The following FANCL variants were observed in gnomAD, a reference collection of about 807,000 sequenced individuals.
FANCL encodes E3 ubiquitin-protein ligase FANCL.
A neutral mutation model predicts 59.4 loss-of-function variants in FANCL; 69 were observed. The observed-to-expected ratio is 1.16, with a 90% CI of 0.96 to 1.42. The LOEUF is 1.42. FANCL is among the 40% of genes most tolerant of loss of function. The pLI, the probability that FANCL is intolerant of heterozygous loss-of-function variation, is 0.00. For missense variants in FANCL, 519 were observed against 447.2 expected (o/e 1.16, Z -1.45); for synonymous variants, 180 against 147.1 (o/e 1.22, Z -1.62).
chr2:58,226,677 A>G, intron 4 of FANCL, 51 bp downstream of exon 4: 6 of 1,347,254 alleles, frequency 4.5e-6, no homozygotes, highest in Non-Finnish European at 6.4e-6. Flanking sequence ...ACAAAAAAGA[A>G]ATCAAGACTT....
At chr2:58,187,429 T>C (rs187287819) in intron 7 of FANCL, among the ~76,000 whole-genome samples, 13 of 55,314 alleles carry the variant, frequency 2.4e-4, no homozygotes, top group Admixed American at 6.2e-4. Context: ...GTGGGGGGGA[T>C]GGGGAAGGGA....
rs1268375175 is a variant in FANCL, at chr2:58,216,827, C to T, written c.374+5115G>A. Among the ~76,000 whole-genome samples, 6 of 151,848 alleles carry T rather than the reference C, an allele frequency of 4.0e-5. No individual in the cohort carries two copies. The East Asian group carries it at 7.8e-4, about 20-fold the overall frequency. ...AGAGATGTGGGGTAGTTCTCCTTAC[C>T]GCCCAGGTTGGAATCCAAGCACGGG... is the stretch of plus-strand genomic sequence containing the variant. On this transcript the variant is annotated intron_variant, in intron 5 of 13. Transcript: ENST00000233741.
chr2:58,160,010 A>T, intron 13 of FANCL, 98 bp downstream of exon 13: 9 of 1,567,864 alleles, frequency 5.7e-6, no homozygotes, highest in Non-Finnish European at 7.8e-6. Flanking sequence ...GAGTTTCAAA[A>T]GTTTTAGATA....
At chr2:58,169,023 T>A (rs1442370508) in intron 7 of FANCL, among the ~76,000 whole-genome samples, 1 of 152,134 alleles carries the variant, frequency 6.6e-6, no homozygotes, top group Non-Finnish European at 1.5e-5. Flanking sequence ...TGGGCACAGC[T>A]TCAGCAGACT....
intron 1 of FANCL, among the ~76,000 whole-genome samples, chr2:58,236,412 G>T (rs1418860182): frequency 6.6e-6 from 1 of 150,888 alleles, no homozygotes; most frequent in South Asian, 2.1e-4. Context: ...TTACGTTAAG[G>T]CAGACCATGA....
chr2:58,204,542 C>T (rs944047051), intron 5 of FANCL, among the ~76,000 whole-genome samples: 6 of 152,058 alleles, frequency 3.9e-5, no homozygotes, highest in African/African-American at 1.4e-4. Flanking sequence ...TTCCTGTCAG[C>T]CTCTACTTAT....
intron 5 of FANCL, among the ~76,000 whole-genome samples, chr2:58,207,239 G>GATCATGAGGACAGGAAC (rs1422335867): frequency 1.3e-5 from 2 of 152,106 alleles, no homozygotes; most frequent in Admixed American, 6.6e-5. Flanking sequence ...AGCTAGCAAA[G>GATCATGAGGACAGGAAC]ATCATGAGGA....
At chr2:58,221,426 G>T (rs1692467786) in intron 5 of FANCL, among the ~76,000 whole-genome samples, 1 of 151,826 alleles carries the variant, frequency 6.6e-6, no homozygotes, top group Non-Finnish European at 1.5e-5. Flanking sequence ...GTTTCTTTAT[G>T]CATCAGTTTT....
intron 9 of FANCL, 137 bp downstream of exon 9, chr2:58,163,297 G>A: frequency 1.3e-6 from 1 of 754,914 alleles, no homozygotes. Context: ...CTACATACTG[G>A]GCAACAAGAG....
chr2:58,217,493 T>C (rs1054148457), intron 5 of FANCL, among the ~76,000 whole-genome samples: 15 of 151,646 alleles, frequency 9.9e-5, no homozygotes, highest in African/African-American at 3.6e-4. Context: ...AAATCTGTTT[T>C]AAAAAAATGC....
intron 7 of FANCL, among the ~76,000 whole-genome samples, chr2:58,193,209 T>G (rs1490299323): frequency 1.3e-5 from 2 of 152,052 alleles, no homozygotes; most frequent in Non-Finnish European, 2.9e-5. Flanking sequence ...CTAAGAATTA[T>G]TTGGAATAAC....
chr2:58,204,738 T>C (rs1450434121), intron 5 of FANCL, among the ~76,000 whole-genome samples: 2 of 152,130 alleles, frequency 1.3e-5, no homozygotes, highest in Non-Finnish European at 2.9e-5. Flanking sequence ...GAAAATGCTG[T>C]ATAAGCACAG....
intron 5 of FANCL, among the ~76,000 whole-genome samples, chr2:58,207,253 G>A (rs867002359): frequency 5.3e-5 from 8 of 152,092 alleles, no homozygotes; most frequent in Non-Finnish European, 1.2e-4. Flanking sequence ...ATGAGGACAG[G>A]AACAACACTC....
chr2:58,194,143 T>A, intron 7 of FANCL: 1 of 459,408 alleles, frequency 2.2e-6, no homozygotes, highest in South Asian at 1.6e-5. Context: ...TAAAGACCAC[T>A]ATTTACTACA....
intron 7 of FANCL, among the ~76,000 whole-genome samples, chr2:58,186,158 T>C (rs942687536): frequency 6.6e-6 from 1 of 152,198 alleles, no homozygotes; most frequent in African/African-American, 2.4e-5. Flanking sequence ...GATTTATAAA[T>C]TGATTTTAAA....
intron 6 of FANCL, among the ~76,000 whole-genome samples, chr2:58,199,918 T>C (rs1689823759): frequency 6.6e-6 from 1 of 152,002 alleles, no homozygotes; most frequent in East Asian, 1.9e-4. Context: ...ATCACTACAG[T>C]ATTTAACAAA....
At chr2:58,217,243 CAT>C (rs1691925936) in intron 5 of FANCL, among the ~76,000 whole-genome samples, 7 of 78,580 alleles carry the variant, frequency 8.9e-5, no homozygotes, top group South Asian at 4.4e-4. Context: ...CACACACACA[CAT>C]ATATATGTTT....
chr2:58,159,500 C>T lies in FANCL; in HGVS notation c.*265G>A. 1 of 1,613,650 alleles carries T rather than the reference C, an allele frequency of 6.2e-7. No homozygotes were observed. Among genetic ancestry groups the T allele is most frequent in the Non-Finnish European group, 8.5e-7 (1 of 1,179,746 alleles). ...ACCAGTCCAGATATATTCAAGAAGT[C>T]AAGATCTCCATCTTGGTATAAATAC... On this transcript the variant is annotated 3_prime_UTR_variant, in exon 14 of 14. Coordinates refer to ENST00000233741, the MANE Select transcript of FANCL (RefSeq NM_018062.4).
chr2:58,225,018 C>A (rs1692846243), intron 4 of FANCL, among the ~76,000 whole-genome samples: 1 of 151,760 alleles, frequency 6.6e-6, no homozygotes, highest in Non-Finnish European at 1.5e-5. Flanking sequence ...GGAGAAATGG[C>A]TGATTACAGT....
Sources: gnomAD v4.1 joint callset for allele counts (sites outside exome capture counted in the v4.1 genomes callset) on GRCh38, gnomAD v4.1.1 for gene constraint, MANE v1.5 for transcripts, NCBI Gene and HGNC (gene_info 2026-07-23, HGNC 2026-07-21) for gene names.